CYFIP1: variants seen among roughly 807,000 people sequenced by gnomAD.
CYFIP1 encodes cytoplasmic FMR1-interacting protein 1.
A neutral mutation model predicts 163.5 loss-of-function variants in CYFIP1; 58 were observed. The observed-to-expected ratio is 0.35, with a 90% CI of 0.29 to 0.44. The LOEUF (loss-of-function observed/expected upper bound fraction) is 0.44, where lower values mean the gene tolerates loss of function less well. Among genes scored for constraint, CYFIP1 ranks in the 20% least tolerant of loss-of-function variants. The pLI is 1.00. For missense variants in CYFIP1, 1,338 were observed against 1,653.8 expected (o/e 0.81, Z 3.31); for synonymous variants, 663 against 660.7 (o/e 1.00, Z -0.05).
At chr15:22,918,406 T>A (rs932584072) in intron 14 of CYFIP1, among the ~76,000 whole-genome samples, 2 of 152,158 alleles carry the variant, frequency 1.3e-5, no homozygotes, top group South Asian at 4.2e-4. Flanking sequence ...GAGACCCCCA[T>A]AAGGCACCAT....
intron 1 of CYFIP1, among the ~76,000 whole-genome samples, chr15:22,977,148 G>A (rs1000679068): frequency 6.6e-6 from 1 of 151,700 alleles, no homozygotes; most frequent in African/African-American, 2.4e-5. Flanking sequence ...GCGGTGGGCC[G>A]AGATCGCACC....
intron 12 of CYFIP1, among the ~76,000 whole-genome samples, chr15:22,926,913 C>G (rs2061374021): frequency 6.6e-6 from 1 of 152,184 alleles, no homozygotes; most frequent in African/African-American, 2.4e-5. Flanking sequence ...CGATGGACAT[C>G]CCAAGCACAC....
In CYFIP1 at chr15:22,914,888, A is replaced by G; in HGVS notation, c.1829-6T>C. 1 of 1,604,946 alleles carries G rather than the reference A, an allele frequency of 6.2e-7. No individual in the cohort carries two copies. The highest frequency in any genetic ancestry group is 8.5e-7 in the Non-Finnish European group (1 of 1,176,396). On this transcript the variant is annotated splice_region_variant and splice_polypyrimidine_tract_variant and intron_variant, in intron 16 of 30. Coordinates refer to ENST00000617928, the MANE Select transcript of CYFIP1 (RefSeq NM_014608.6). ...ACAGCACTGCTGCAGCGTTTCTGGG[A>G]GGGTTCAAACAACTCCATGTTATCT...
Position 22,910,719 on chromosome 15 carries a change from C to T in CYFIP1, c.2159+18G>A. The T allele has an allele frequency of 6.2e-7, 1 of 1,611,120 alleles. No homozygotes were observed. Among genetic ancestry groups the T allele is most frequent in the Non-Finnish European group, 8.5e-7 (1 of 1,177,246 alleles). ...ATTATGAAACGTTTTGTATCAAAAT[C>T]ACACACCAGATACTCACCTTCCTGC... On this transcript the variant is annotated intron_variant, in intron 19 of 30. Transcript: ENST00000617928.
At chr15:22,947,416 C>G in intron 1 of CYFIP1, 125 bp from the exon 2 acceptor site, 2 of 1,352,860 alleles carry the variant, frequency 1.5e-6, no homozygotes, top group Non-Finnish European at 1.0e-6. Context: ...ACATGGCTGA[C>G]AGGGGCATGA....
Position 22,914,779 on chromosome 15 carries a change from C to A in CYFIP1, c.1932G>T (p.Met644Ile). Residue 644 changes from methionine (M) to isoleucine (I), a missense_variant, in exon 17 of 31, where the codon ATG becomes ATT. Transcript: ENST00000617928. Reference protein sequence around the residue: ...RRIQFPIEMSMPWILTDHILE... With the variant: ...RRIQFPIEMSIPWILTDHILE... ...GGATGTGGTCCGTCAGGATCCAGGG[C>A]ATCGACATCTCAATGGGGAACTGGA... 1 of 1,613,958 alleles carries A rather than the reference C, an allele frequency of 6.2e-7. No homozygotes were observed. Among genetic ancestry groups the A allele is most frequent in the Non-Finnish European group, 8.5e-7 (1 of 1,179,922 alleles).
chr15:22,875,057 A>G, intron 27 of CYFIP1, 142 bp downstream of exon 27: 2 of 716,152 alleles, frequency 2.8e-6, no homozygotes, highest in East Asian at 2.5e-5. Context: ...TAGGTTCTGT[A>G]CACTCCTCAT....
In CYFIP1 at chr15:22,880,826, C is replaced by A. The variant is rs147214282; in HGVS notation, c.2912-783G>T. Among the ~76,000 whole-genome samples the A allele has an allele frequency of 2.0e-3, 299 of 152,294 alleles. 4 individuals carry two copies. The highest frequency in any genetic ancestry group is 6.9e-3 in the African/African-American group (286 of 41,554). On this transcript the variant is annotated intron_variant, in intron 25 of 30. Coordinates refer to ENST00000617928, the MANE Select transcript of CYFIP1 (RefSeq NM_014608.6). ...CCAGCTCTCAGCACCGCTGCAGGGACTCAGCCCCACTTGGCGGGGGTGGGG... is the reference window on the plus strand; with the variant it reads ...CCAGCTCTCAGCACCGCTGCAGGGAATCAGCCCCACTTGGCGGGGGTGGGG...
At chr15:22,918,915 C>A in intron 13 of CYFIP1, 57 bp from the exon 14 acceptor site, 1 of 1,380,142 alleles carries the variant, frequency 7.2e-7, no homozygotes, top group South Asian at 1.4e-5. Context: ...CAAGCCTCCT[C>A]TGCCTGGCAC....
chr15:22,946,799 A>G (rs886502106), intron 3 of CYFIP1: 2 of 695,404 alleles, frequency 2.9e-6, no homozygotes, highest in African/African-American at 3.5e-5. Flanking sequence ...TCTCTGGGCC[A>G]GAGACATTGA....
At chr15:22,892,760 GAA>G (rs536217803) in intron 23 of CYFIP1, 128 bp downstream of exon 23, 3 of 635,108 alleles carry the variant, frequency 4.7e-6, no homozygotes, top group South Asian at 2.2e-5. Context: ...TAACAGAATG[GAA>G]AAAAAAAATA....
Position 22,939,279 on chromosome 15 carries a change from C to T in CYFIP1, c.708G>A (p.Glu236=). ...QQLEVISGYE[E]LLADIVNLCV... ...ACAGATTCACAATATCTGCCAGGAG[C>T]TCTTCGTAGCCAGAAATCACTTCGA... The change falls in exon 8 of 31, where the codon GAG becomes GAA. Residue 236 remains glutamate (E), a synonymous_variant. Coordinates refer to ENST00000617928, the MANE Select transcript of CYFIP1 (RefSeq NM_014608.6). 6.2e-7 allele frequency: 1 copy of T among 1,614,190 alleles called. No individual in the cohort carries two copies. The highest frequency in any genetic ancestry group is 1.1e-5 in the South Asian group (1 of 91,084).
rs1347480812 is a variant in CYFIP1 at position 22,910,162 on chromosome 15, TTTTC to T, written c.2268+354_2268+357del. Among the ~76,000 whole-genome samples, 450 of 152,248 alleles carry T rather than the reference TTTTC, an allele frequency of 3.0e-3. 2 individuals carry two copies. The highest frequency in any genetic ancestry group is 9.7e-3 in the African/African-American group (403 of 41,522). ...CTATAAGAAATCTCAATCATTTTTT[TTTTC>T]TTTTTTTTGAGACGGAGTCTTGCTC... is the stretch of plus-strand genomic sequence containing the variant. On this transcript the variant is annotated intron_variant, in intron 20 of 30. Transcript: ENST00000617928.
intron 27 of CYFIP1, 61 bp from the exon 28 acceptor site, chr15:22,874,705 G>A: frequency 8.7e-7 from 1 of 1,149,870 alleles, no homozygotes; most frequent in Non-Finnish European, 1.2e-6. Flanking sequence ...TAATTGCAAA[G>A]GTTTACATTT....
intron 9 of CYFIP1, 145 bp downstream of exon 9, chr15:22,936,959 G>A (rs2061729679): frequency 3.1e-6 from 2 of 638,892 alleles, no homozygotes; most frequent in Non-Finnish European, 5.6e-6. Context: ...GGTCACCTCT[G>A]CAGACGGGAG....
chr15:22,979,794 C>T (rs998188842), intron 1 of CYFIP1, among the ~76,000 whole-genome samples: 1 of 152,350 alleles, frequency 6.6e-6, no homozygotes, highest in Non-Finnish European at 1.5e-5. Context: ...ACCAGGCTCC[C>T]TCCGCTCCTC....
chr15:22,892,382 C>G (rs572426342), intron 23 of CYFIP1, among the ~76,000 whole-genome samples: 1 of 152,286 alleles, frequency 6.6e-6, no homozygotes, highest in East Asian at 1.9e-4. Flanking sequence ...CATGGTAGAC[C>G]CGGGTGCTCC....
chr15:22,950,700 C>T (rs975884773), intron 1 of CYFIP1, among the ~76,000 whole-genome samples: 1 of 152,242 alleles, frequency 6.6e-6, no homozygotes, highest in African/African-American at 2.4e-5. Flanking sequence ...ACCCAGGACA[C>T]AAACCATCCC....
intron 1 of CYFIP1, among the ~76,000 whole-genome samples, chr15:22,954,532 G>C (rs1012357599): frequency 6.6e-6 from 1 of 152,194 alleles, no homozygotes; most frequent in Non-Finnish European, 1.5e-5. Context: ...TCGGTCACAA[G>C]GCGCTACCAT....
Sources: gnomAD v4.1 joint callset for allele counts (sites outside exome capture counted in the v4.1 genomes callset) on GRCh38, gnomAD v4.1.1 for gene constraint, MANE v1.5 for transcripts, NCBI Gene and HGNC (gene_info 2026-07-23, HGNC 2026-07-21) for gene names.